ZNF76: variants seen among roughly 807,000 people sequenced by gnomAD.
The protein encoded by ZNF76 is zinc finger protein 76, also known as zinc finger protein 523.
ZNF76 carries 66 observed loss-of-function variants against 66.9 expected under a neutral mutation model. The ratio of observed to expected loss-of-function variants is 0.99; its 90% CI spans 0.81 to 1.21. ZNF76 has a LOEUF of 1.21. ZNF76 is among the 50% of genes most tolerant of loss of function. ZNF76 has a pLI of 0.00. For missense variants in ZNF76, 729 were observed against 760.3 expected, an observed-to-expected ratio of 0.96 and a Z score of 0.48; for synonymous variants, 275 against 296.1, an observed-to-expected ratio of 0.93 and a Z score of 0.73.
chr6:35,295,116 C>G (rs749608327), intron 13 of ZNF76, 28 bp from the exon 14 acceptor site: 1 of 1,582,094 alleles, frequency 6.3e-7, no homozygotes, highest in South Asian at 1.1e-5. Flanking sequence ...CTCACTGTCT[C>G]CTTCCTTCTG....
At chr6:35,265,559 G>C (rs1301960049) in intron 1 of ZNF76, among the ~76,000 whole-genome samples, 1 of 151,572 alleles carries the variant, frequency 6.6e-6, no homozygotes, top group Non-Finnish European at 1.5e-5. Context: ...GATTCTGGGT[G>C]TTAAAATTTT....
rs1044987267 is a variant in ZNF76 at position 35,280,946 on chromosome 6, A to G, written c.-96-110A>G. 10 of 590,728 alleles carry G rather than the reference A, an allele frequency of 1.7e-5. No homozygotes were observed. The African/African-American group carries it at 1.9e-4, about 11-fold the overall frequency. 36.6% of individuals were successfully genotyped at this position (590,728 alleles called of 1,614,324 possible). ...CCAATATAGTTCACTACTTTGAAGAATTCATCTTTTTTCTTCTTGGCTGGC... is the reference window on the plus strand; with the variant it reads ...CCAATATAGTTCACTACTTTGAAGAGTTCATCTTTTTTCTTCTTGGCTGGC... On this transcript the variant is annotated intron_variant, in intron 1 of 13. Coordinates refer to ENST00000373953, the MANE Select transcript of ZNF76 (RefSeq NM_003427.5).
rs531249203 is a variant in ZNF76 at position 35,286,815 on chromosome 6, C to T, written c.232+416C>T. The T allele has an allele frequency of 1.6e-4, 43 of 273,804 alleles. No individual in the cohort carries two copies. In the Admixed American group the frequency reaches 1.8e-3, roughly 11 times the overall value. 17.0% of individuals were successfully genotyped at this position (273,804 alleles called of 1,614,324 possible). A position where few individuals can be genotyped will look rare whatever the true frequency, so the allele number is the denominator to read the frequency against. On this transcript the variant is annotated intron_variant, in intron 4 of 13. Coordinates refer to ENST00000373953, the MANE Select transcript of ZNF76 (RefSeq NM_003427.5). ...TCTTGAGTGACTGTTGCATGCCTGG[C>T]GTTGTGTTAGGTGTGCAGTATACAA... is the stretch of plus-strand genomic sequence containing the variant.
intron 1 of ZNF76, among the ~76,000 whole-genome samples, chr6:35,268,626 C>T (rs2150342509): frequency 6.6e-6 from 1 of 152,104 alleles, no homozygotes; most frequent in South Asian, 2.1e-4. Flanking sequence ...ATGGTGAAAC[C>T]CCATCTCTAC....
intron 9 of ZNF76, 193 bp downstream of exon 9, chr6:35,291,930 T>C: frequency 1.5e-6 from 1 of 666,856 alleles, no homozygotes; most frequent in Non-Finnish European, 2.6e-6. Context: ...TCCAGTTAGG[T>C]CCAATCTGAA....
chr6:35,263,403 C>T (rs529073257), intron 1 of ZNF76, among the ~76,000 whole-genome samples: 2 of 152,284 alleles, frequency 1.3e-5, no homozygotes, highest in South Asian at 2.1e-4. Context: ...TTTTCCAAGC[C>T]CTGGGAAAAC....
In ZNF76 at chr6:35,295,230, G is replaced by A. The variant is rs1318845824; in HGVS notation, c.1695G>A (p.Val565=). The A allele has an allele frequency of 6.2e-7, 1 of 1,607,498 alleles. No homozygotes were observed. The highest frequency in any genetic ancestry group is 2.2e-5 in the East Asian group (1 of 44,544). ...GGGCTGTGACCCTGGAGACAACAGT[G>A]TCGGAGAGTGGCTGCTGAGTCCAAG... ...QQGAVTLETT[V]SESGC Residue 565 remains valine (V), a synonymous_variant, in exon 14 of 14, where the codon GTG becomes GTA. Transcript: ENST00000373953.
intron 7 of ZNF76, 106 bp downstream of exon 7, chr6:35,290,822 A>G (rs1790273239): frequency 4.7e-6 from 5 of 1,065,964 alleles, no homozygotes; most frequent in South Asian, 1.4e-5. Context: ...TGGAGAAACT[A>G]CCGTCAGAGT....
chr6:35,282,247 G>C (rs1788879043), intron 2 of ZNF76, among the ~76,000 whole-genome samples: 1 of 151,792 alleles, frequency 6.6e-6, no homozygotes, highest in African/African-American at 2.4e-5. Flanking sequence ...GTTCAGATGG[G>C]AGGATCTCTT....
chr6:35,290,393 T>C lies in ZNF76; in HGVS notation c.549+11T>C. 1 of 1,613,324 alleles carries C rather than the reference T, an allele frequency of 6.2e-7. No individual in the cohort carries two copies. Among genetic ancestry groups the C allele is most frequent in the South Asian group, 1.1e-5 (1 of 91,062 alleles). ...GCTCATCACTTAAAGGTAAGGTTGCTGGCAGACAGCCGTCAGCTCTGCAGT... is the reference window on the plus strand; with the variant it reads ...GCTCATCACTTAAAGGTAAGGTTGCCGGCAGACAGCCGTCAGCTCTGCAGT... On this transcript the variant is annotated intron_variant, in intron 6 of 13. Coordinates refer to ENST00000373953, the MANE Select transcript of ZNF76 (RefSeq NM_003427.5).
chr6:35,281,027 T>C (rs1788701423), intron 1 of ZNF76, 29 bp from the exon 2 acceptor site: 11 of 935,334 alleles, frequency 1.2e-5, no homozygotes, highest in Non-Finnish European at 1.7e-5. Flanking sequence ...GCTGGTTAAC[T>C]CATAATGTGA....
chr6:35,292,822 A>G lies in ZNF76; in HGVS notation c.1165+35A>G. Reference sequence around the variant, plus strand: ...GTGGGCAGAGGGTGAGAGTGGGGACAAGCCAGGCCTCCCCATGGCATCTGG... The same window carrying G: ...GTGGGCAGAGGGTGAGAGTGGGGACGAGCCAGGCCTCCCCATGGCATCTGG... On this transcript the variant is annotated intron_variant, in intron 10 of 13. Transcript: ENST00000373953. The surrounding 1 kb of genome is among the most constrained non-coding windows in gnomAD (Gnocchi z 4.7). 6.2e-7 allele frequency: 1 copy of G among 1,613,636 alleles called. No individual in the cohort carries two copies. The highest frequency in any genetic ancestry group is 1.6e-4 in the Middle Eastern group (1 of 6,062).
intron 5 of ZNF76, among the ~76,000 whole-genome samples, chr6:35,289,444 C>T (rs1476903741): frequency 6.6e-6 from 1 of 152,158 alleles, no homozygotes; most frequent in African/African-American, 2.4e-5. Flanking sequence ...CCCTCTGTCC[C>T]CTGCTCACTG....
At chr6:35,266,611 C>T (rs140954279) in intron 1 of ZNF76, among the ~76,000 whole-genome samples, 1 of 152,128 alleles carries the variant, frequency 6.6e-6, no homozygotes, top group East Asian at 1.9e-4. Context: ...TGTCTACTCT[C>T]AGGAAATAAA....
intron 1 of ZNF76, among the ~76,000 whole-genome samples, chr6:35,271,204 C>T (rs1489300443): frequency 1.3e-5 from 2 of 150,044 alleles, no homozygotes; most frequent in Non-Finnish European, 3.0e-5. Flanking sequence ...TGTCCATCTA[C>T]CTGTAGACTA....
chr6:35,294,622 G>A (rs1790919426), intron 13 of ZNF76, 53 bp downstream of exon 13: 1 of 1,214,466 alleles, frequency 8.2e-7, no homozygotes, highest in Non-Finnish European at 1.2e-6. Context: ...AAGTCAACAA[G>A]GAATAAAGGG....
chr6:35,289,302 G>A (rs777469455), intron 5 of ZNF76, among the ~76,000 whole-genome samples: 16 of 152,108 alleles, frequency 1.1e-4, no homozygotes, highest in South Asian at 4.1e-4. Context: ...GGGTTAGCCC[G>A]CCAAGCAGGT....
At chr6:35,294,896 A>T in intron 13 of ZNF76, 1 of 576,954 alleles carries the variant, frequency 1.7e-6, no homozygotes, top group East Asian at 2.9e-5. Context: ...CTCTTCAGCC[A>T]GTCCTTCCTC....
chr6:35,266,364 G>A (rs908123573), intron 1 of ZNF76, among the ~76,000 whole-genome samples: 1 of 151,996 alleles, frequency 6.6e-6, no homozygotes, highest in Non-Finnish European at 1.5e-5. Context: ...TATTTGCCAG[G>A]CTGGTCTCAA....
Sources: gnomAD v4.1 joint callset for allele counts (sites outside exome capture counted in the v4.1 genomes callset) on GRCh38, gnomAD v4.1.1 for gene constraint, Gnocchi (gnomAD v3.1) non-coding constraint, MANE v1.5 for transcripts, NCBI Gene and HGNC (gene_info 2026-07-23, HGNC 2026-07-21) for gene names.